Variants in LRRTM4 observed in about 807,000 individuals in gnomAD.
The protein encoded by LRRTM4 is leucine-rich repeat transmembrane neuronal protein 4.
In LRRTM4, 25 loss-of-function variants were observed where a neutral mutation model predicts 47.6. The observed-to-expected ratio is 0.53, with a 90% CI of 0.38 to 0.73. The LOEUF (loss-of-function observed/expected upper bound fraction) is 0.73. Among genes scored for constraint, LRRTM4 ranks in the 30% least tolerant of loss-of-function variants. The pLI, the probability that LRRTM4 is intolerant of heterozygous loss-of-function variation, is 0.00. For missense variants in LRRTM4, 638 were observed against 713.4 expected, an observed-to-expected ratio of 0.89 and a Z score of 1.20; for synonymous variants, 311 against 269.5, an observed-to-expected ratio of 1.15 and a Z score of -1.51.
At chr2:77,408,816 C>T (rs1438728426) in intron 3 of LRRTM4, among the ~76,000 whole-genome samples, 1 of 152,116 alleles carries the variant, frequency 6.6e-6, no homozygotes, top group Non-Finnish European at 1.5e-5. Flanking sequence ...GTGTCTAATA[C>T]AGGTATTATA....
rs186069035 is a variant in LRRTM4 at position 77,385,514 on chromosome 2, C to A, written c.1551+132804G>T. Among the ~76,000 whole-genome samples the A allele has an allele frequency of 2.2e-3, 333 of 152,122 alleles. 1 individual carries two copies. Among genetic ancestry groups the A allele is most frequent in the African/African-American group, 7.7e-3 (319 of 41,510 alleles). On this transcript the variant is annotated intron_variant, in intron 3 of 3. Transcript: ENST00000409884. ...CACTGACTACTTAGGCAGTGTGCTA[C>A]GGCACTGATGAGGTTTAAAATAGTA...
intron 3 of LRRTM4, among the ~76,000 whole-genome samples, chr2:77,286,603 G>GA (rs909837172): frequency 8.0e-4 from 110 of 137,708 alleles, no homozygotes; most frequent in Admixed American, 1.4e-3. Flanking sequence ...ATATATATAA[G>GA]AAAAAAAAAA....
At chr2:77,027,329 TA>T (rs1678489283) in intron 3 of LRRTM4, among the ~76,000 whole-genome samples, 1 of 152,056 alleles carries the variant, frequency 6.6e-6, no homozygotes, top group Admixed American at 6.6e-5. Flanking sequence ...ATGAATTAAA[TA>T]AAAAAAGAAC....
At chr2:76,871,460 C>T (rs1672621297) in intron 3 of LRRTM4, among the ~76,000 whole-genome samples, 1 of 152,150 alleles carries the variant, frequency 6.6e-6, no homozygotes, top group Admixed American at 6.5e-5. Context: ...ATTTTCTAGT[C>T]AAGACCATCA....
intron 3 of LRRTM4, among the ~76,000 whole-genome samples, chr2:76,911,115 T>A (rs556046794): frequency 1.3e-5 from 2 of 152,182 alleles, no homozygotes; most frequent in Admixed American, 6.5e-5. Context: ...TAAAACATAT[T>A]TTTTGGTTTA....
chr2:77,420,275 T>A (rs1674824143), intron 3 of LRRTM4, among the ~76,000 whole-genome samples: 1 of 152,150 alleles, frequency 6.6e-6, no homozygotes. Context: ...AGCAAAGAAT[T>A]ACATAAAGCC....
At chr2:77,424,232 G>A (rs900595744) in intron 3 of LRRTM4, among the ~76,000 whole-genome samples, 5 of 152,090 alleles carry the variant, frequency 3.3e-5, no homozygotes, top group African/African-American at 9.7e-5. Flanking sequence ...CAAGAGTTCT[G>A]TACATTTTAG....
intron 3 of LRRTM4, among the ~76,000 whole-genome samples, chr2:77,409,248 T>C (rs1340578999): frequency 6.6e-6 from 1 of 152,178 alleles, no homozygotes; most frequent in East Asian, 1.9e-4. Context: ...AATCCATCTG[T>C]GCTGCTCTAA....
chr2:77,382,721 T>C (rs1003301209), intron 3 of LRRTM4, among the ~76,000 whole-genome samples: 19 of 152,154 alleles, frequency 1.2e-4, no homozygotes, highest in African/African-American at 4.6e-4. Flanking sequence ...CTGAATTTTC[T>C]GCTCAGATCA....
At position 77,346,850 on chromosome 2, in the gene LRRTM4, G is replaced by C. The variant is rs539415255; in HGVS notation, c.1551+171468C>G. ...TTTAAAAAAAAGTTACAGAATAAAA[G>C]GATGGCTTGAAAATTTTGGGAATTA... On this transcript the variant is annotated intron_variant, in intron 3 of 3. Coordinates refer to ENST00000409884, the MANE Select transcript of LRRTM4 (RefSeq NM_001134745.3). Among the ~76,000 whole-genome samples the C allele has an allele frequency of 3.2e-3, 490 of 151,994 alleles. 4 individuals are homozygous for C. The highest frequency in any genetic ancestry group is 0.011 in the African/African-American group (476 of 41,464).
intron 3 of LRRTM4, among the ~76,000 whole-genome samples, chr2:77,150,008 C>T (rs10439504): frequency 0.049 from 7,440 of 152,152 alleles, 590 homozygotes; most frequent in African/African-American, 0.17. Flanking sequence ...ACTTATTCCT[C>T]ATTAATTTGT....
Position 77,522,185 on chromosome 2 carries a change from C to T in LRRTM4, c.-224G>A. The T allele has an allele frequency of 1.4e-6, 1 of 712,502 alleles. No homozygotes were observed. Among genetic ancestry groups the T allele is most frequent in the Middle Eastern group, 2.3e-4 (1 of 4,328 alleles). The allele number at this position is 712,502 out of a possible 1,614,324, so 44.1% of individuals were successfully genotyped here. ...TCCTCTGGATTTTCAGTTCTTGAAGCAAGTAGGCCTCCTGTGCTGTATGAG... is the reference window on the plus strand; with the variant it reads ...TCCTCTGGATTTTCAGTTCTTGAAGTAAGTAGGCCTCCTGTGCTGTATGAG... On this transcript the variant is annotated 5_prime_UTR_variant, in exon 1 of 4. Transcript: ENST00000409884.
chr2:77,463,718 T>A (rs996249483), intron 3 of LRRTM4, among the ~76,000 whole-genome samples: 17 of 152,098 alleles, frequency 1.1e-4, no homozygotes, highest in Non-Finnish European at 2.4e-4. Context: ...ACAAGTAGAA[T>A]ATGAGTAATG....
rs1678878509 is a variant in LRRTM4, at chr2:77,037,562, A to G, written c.1552-288646T>C. Among the ~76,000 whole-genome samples the G allele has an allele frequency of 1.1e-4, 12 of 112,604 alleles. No individual in the cohort carries two copies. In the Admixed American group the frequency reaches 1.1e-3, roughly 10 times the overall value. The allele number at this position is 112,604 out of a possible 152,430, so 73.9% of individuals were successfully genotyped here. ...TTCCTTTGTTGCTGTTTTATTACCA[A>G]AGAAAAGCCTCACATTTCACTTAAC... On this transcript the variant is annotated intron_variant, in intron 3 of 3. Transcript: ENST00000409884.
At chr2:77,303,373 C>T (rs1032948270) in intron 3 of LRRTM4, among the ~76,000 whole-genome samples, 4 of 152,032 alleles carry the variant, frequency 2.6e-5, no homozygotes, top group East Asian at 3.9e-4. Flanking sequence ...CTGAAGCCAG[C>T]GGATTTTAGC....
At chr2:77,461,336 A>T (rs1434522766) in intron 3 of LRRTM4, among the ~76,000 whole-genome samples, 2 of 152,104 alleles carry the variant, frequency 1.3e-5, no homozygotes, top group African/African-American at 4.8e-5. Flanking sequence ...AAATTTATTC[A>T]AACTCAGTAC....
chr2:76,877,291 C>T (rs1395369611), intron 3 of LRRTM4, among the ~76,000 whole-genome samples: 1 of 151,992 alleles, frequency 6.6e-6, no homozygotes, highest in Non-Finnish European at 1.5e-5. Flanking sequence ...TTTTGTGCAA[C>T]TTCTTGGGAA....
chr2:76,779,857 T>G (rs867878182), intron 3 of LRRTM4, among the ~76,000 whole-genome samples: 2 of 152,132 alleles, frequency 1.3e-5, no homozygotes, highest in East Asian at 3.9e-4. Flanking sequence ...TTCCTAGTCT[T>G]GATGGTCTTT....
intron 3 of LRRTM4, among the ~76,000 whole-genome samples, chr2:77,512,128 T>C (rs528708061): frequency 1.6e-4 from 24 of 152,212 alleles, no homozygotes; most frequent in Non-Finnish European, 3.4e-4. Flanking sequence ...GCCTCCCTTG[T>C]AAAGGACTAA....
Sources: allele counts gnomAD v4.1 joint callset (sites outside exome capture counted in the v4.1 genomes callset), GRCh38; gene constraint gnomAD v4.1.1; transcripts MANE v1.5; gene names NCBI Gene and HGNC (gene_info 2026-07-23, HGNC 2026-07-21).